The following GIGYF2 variants were observed in gnomAD, a reference collection of about 807,000 sequenced individuals.
GIGYF2 encodes GRB10-interacting GYF protein 2.
Under a neutral mutation model 208.1 loss-of-function variants are expected in GIGYF2, and 25 were observed. The ratio of observed to expected loss-of-function variants is 0.12; its 90% confidence interval spans 0.09 to 0.17. The LOEUF (loss-of-function observed/expected upper bound fraction) is 0.17, where lower values mean the gene tolerates loss of function less well. Ranked by LOEUF, GIGYF2 falls within the 10% of genes least tolerant of loss-of-function variation. The pLI is 1.00. For synonymous variants in GIGYF2, 534 were observed against 543.8 expected, an observed-to-expected ratio of 0.98 and a Z score of 0.25; for missense variants, 1,302 against 1,579.4, an observed-to-expected ratio of 0.82 and a Z score of 2.98.
At position 232,836,304 on chromosome 2, in the gene GIGYF2, A is replaced by ACT. The variant is rs1559160550; in HGVS notation, c.2766+3211_2766+3212insCT. Reference sequence around the variant, plus strand: ...TATATATATATATATATATATATATATATATATATATATATATATATATAT... The same window carrying ACT: ...TATATATATATATATATATATATATACTTATATATATATATATATATATATAT... On this transcript the variant is annotated intron_variant, in intron 22 of 28. Transcript: ENST00000373563. Among the ~76,000 whole-genome samples the ACT allele has an allele frequency of 3.0e-3, 58 of 19,632 alleles. 8 individuals carry two copies. Among genetic ancestry groups the ACT allele is most frequent in the African/African-American group, 9.3e-3 (55 of 5,942 alleles). 12.9% of individuals were successfully genotyped at this position (19,632 alleles called of 152,430 possible).
rs1700761899 is a variant in GIGYF2, at chr2:232,812,499, C to G, written c.2107+8C>G. Reference sequence around the variant, plus strand: ...CAGCTTCACAGCCTACAGGTAAAAACTTAGATTAACCTTTAGTACCACTCT... The same window carrying G: ...CAGCTTCACAGCCTACAGGTAAAAAGTTAGATTAACCTTTAGTACCACTCT... On this transcript the variant is annotated splice_region_variant and intron_variant, in intron 18 of 28. Coordinates refer to ENST00000373563, the MANE Select transcript of GIGYF2 (RefSeq NM_001103146.3). 9.1e-7 allele frequency: 1 copy of G among 1,099,460 alleles called. No homozygotes were observed. Among genetic ancestry groups the G allele is most frequent in the Non-Finnish European group, 1.4e-6 (1 of 710,960 alleles). The allele number at this position is 1,099,460 out of a possible 1,614,324, so 68.1% of individuals were successfully genotyped here.
chr2:232,732,753 A>T (rs1054602659), intron 2 of GIGYF2, among the ~76,000 whole-genome samples: 1 of 151,332 alleles, frequency 6.6e-6, no homozygotes, highest in Admixed American at 6.6e-5. Context: ...TGATCCTCCC[A>T]CCTCAGCTGG....
At chr2:232,800,076 G>C (rs898040018) in intron 14 of GIGYF2, among the ~76,000 whole-genome samples, 1 of 149,800 alleles carries the variant, frequency 6.7e-6, no homozygotes, top group Non-Finnish European at 1.5e-5. Flanking sequence ...TCTTTGGGTT[G>C]CCTTTTTACT....
chr2:232,843,707 C>G (rs548435694), intron 23 of GIGYF2, among the ~76,000 whole-genome samples: 1 of 151,836 alleles, frequency 6.6e-6, no homozygotes, highest in African/African-American at 2.4e-5. Context: ...AATCCCATCT[C>G]TACTAAAAAT....
At chr2:232,705,440 C>T (rs1177842416) in intron 2 of GIGYF2, 3 of 152,168 alleles carry the variant, frequency 2.0e-5, no homozygotes, top group Non-Finnish European at 2.9e-5. Context: ...CAGAGTTGCA[C>T]TCTTGCTGCC....
At chr2:232,811,494 T>A in intron 17 of GIGYF2, 143 bp downstream of exon 17, 1 of 659,128 alleles carries the variant, frequency 1.5e-6, no homozygotes, top group Admixed American at 2.4e-5. Flanking sequence ...TAAAAAAGTA[T>A]ATTTTAAAAA....
chr2:232,858,628 T>C lies in GIGYF2; in HGVS notation c.*1768T>C, dbSNP rs1388415262. The C allele has an allele frequency of 2.2e-6, 1 of 452,626 alleles. No individual in the cohort carries two copies. Among genetic ancestry groups the C allele is most frequent in the African/African-American group, 2.0e-5 (1 of 49,700 alleles). The allele number at this position is 452,626 out of a possible 1,614,324, so 28.0% of individuals were successfully genotyped here. ...TTAAATAAAATCTGATTGTATTCTA[T>C]CTGAGTGCACCTCTTGTACTCACCT... On this transcript the variant is annotated 3_prime_UTR_variant, in exon 29 of 29. Transcript: ENST00000373563.
chr2:232,791,211 C>T (rs750391877), intron 11 of GIGYF2, 41 bp downstream of exon 11: 1 of 1,613,658 alleles, frequency 6.2e-7, no homozygotes, highest in African/African-American at 1.3e-5. Flanking sequence ...TTTCCTCCAT[C>T]AAACCAAAAC....
chr2:232,784,382 A>ATGTC lies in GIGYF2; in HGVS notation c.533-2767_533-2766insGTCT, dbSNP rs1699829494. Among the ~76,000 whole-genome samples the ATGTC allele has an allele frequency of 8.5e-5, 6 of 70,442 alleles. No individual in the cohort carries two copies. In the South Asian group the frequency reaches 3.3e-3, roughly 39 times the overall value. 46.2% of individuals were successfully genotyped at this position (70,442 alleles called of 152,430 possible). Reference sequence around the variant, plus strand: ...AGGTTCTAGCTACTTACACGAAATAATTTCTTTTTTTTTTTTTTTTTTTTT... The same window carrying ATGTC: ...AGGTTCTAGCTACTTACACGAAATAATGTCTTTCTTTTTTTTTTTTTTTTTTTTT... On this transcript the variant is annotated intron_variant, in intron 8 of 28. Transcript: ENST00000373563.
At chr2:232,824,923 C>G (rs907029829) in intron 21 of GIGYF2, among the ~76,000 whole-genome samples, 2 of 152,178 alleles carry the variant, frequency 1.3e-5, no homozygotes, top group African/African-American at 2.4e-5. Context: ...ATCCTAGGGT[C>G]TTTAAGAATT....
chr2:232,754,949 G>A (rs962062302), intron 5 of GIGYF2, among the ~76,000 whole-genome samples: 3 of 151,446 alleles, frequency 2.0e-5, no homozygotes, highest in African/African-American at 7.3e-5. Context: ...AAATTGTTGT[G>A]AATAAAATTC....
chr2:232,847,515 C>CTG lies in GIGYF2; in HGVS notation c.3628_3629insTG (p.Pro1210LeufsTer26). 7.2e-7 allele frequency: 1 copy of CTG among 1,385,792 alleles called. No individual in the cohort carries two copies. Among genetic ancestry groups the CTG allele is most frequent in the East Asian group, 2.3e-5 (1 of 43,516 alleles). 85.8% of individuals were successfully genotyped at this position (1,385,792 alleles called of 1,614,324 possible). A position where few individuals can be genotyped will look rare whatever the true frequency, so the allele number is the denominator to read the frequency against. On this transcript the variant is annotated frameshift_variant, in exon 27 of 29. Transcript: ENST00000373563. LOFTEE classifies it high-confidence loss of function. ...CCAGCAGCGTCAGCAGCAGCAGCTG[C>CTG]CACAGCAGCAGCAGCAGCAGCCGCC... is the stretch of plus-strand genomic sequence containing the variant.
chr2:232,806,548 CTT>C lies in GIGYF2; in HGVS notation c.1699_1700del (p.Leu567IlefsTer7). Reference sequence around the variant, plus strand: ...TTTCAGGCGGGCTATTTTACTATGTCTTTATTGGTGAAGAGAGCGTGTGATGA... The same window carrying C: ...TTTCAGGCGGGCTATTTTACTATGTCTATTGGTGAAGAGAGCGTGTGATGA... On this transcript the variant is annotated frameshift_variant, in exon 15 of 29. Transcript: ENST00000373563. LOFTEE classifies it high-confidence loss of function. The surrounding 1 kb of genome is among the most constrained non-coding windows in gnomAD (Gnocchi z 4.0). The C allele has an allele frequency of 6.2e-7, 1 of 1,610,216 alleles. No homozygotes were observed.
intron 4 of GIGYF2, 102 bp from the exon 5 acceptor site, chr2:232,748,881 TAATC>T (rs993499995): frequency 6.6e-5 from 49 of 745,342 alleles, no homozygotes; most frequent in South Asian, 3.2e-4. Context: ...GTATTTATAA[TAATC>T]AACAATAAAT....
chr2:232,753,272 C>T (rs757676941), intron 5 of GIGYF2, among the ~76,000 whole-genome samples: 10 of 151,896 alleles, frequency 6.6e-5, no homozygotes, highest in South Asian at 4.2e-4. Flanking sequence ...TATAGACGCC[C>T]GCCACCACGC....
chr2:232,734,137 A>C (rs1034127806), intron 2 of GIGYF2, among the ~76,000 whole-genome samples: 1 of 136,276 alleles, frequency 7.3e-6, no homozygotes, highest in Non-Finnish European at 1.5e-5. Context: ...TTTTAAAGAG[A>C]TGGAGTCTCA....
At position 232,847,444 on chromosome 2, in the gene GIGYF2, A is replaced by G; in HGVS notation, c.3557A>G (p.Glu1186Gly). 1 of 1,614,012 alleles carries G rather than the reference A, an allele frequency of 6.2e-7. No individual in the cohort carries two copies. Residue 1186 changes from glutamate to glycine, a missense_variant, in exon 27 of 29, where the codon GAG becomes GGG. Transcript: ENST00000373563. ...TTAGGAGATACTTCTGAGGCCAAGG[A>G]GTTTGCCAAGCAGTTCCTTGAGCGC... ...AYLGDTSEAK[E>G]FAKQFLERRA...
intron 2 of GIGYF2, among the ~76,000 whole-genome samples, chr2:232,714,268 A>G (rs1696570899): frequency 6.6e-6 from 1 of 152,184 alleles, no homozygotes. Context: ...TGATTTTAAA[A>G]TTTTGGTTAA....
intron 8 of GIGYF2, among the ~76,000 whole-genome samples, chr2:232,775,484 G>T (rs568378113): frequency 3.5e-4 from 53 of 152,192 alleles, no homozygotes; most frequent in African/African-American, 1.2e-3. Flanking sequence ...CTGCTCGTAT[G>T]GTTTAAAAAA....
Sources: gnomAD v4.1 joint callset for allele counts (sites outside exome capture counted in the v4.1 genomes callset) on GRCh38, gnomAD v4.1.1 for gene constraint, Gnocchi (gnomAD v3.1) non-coding constraint, MANE v1.5 for transcripts, NCBI Gene and HGNC (gene_info 2026-07-23, HGNC 2026-07-21) for gene names.